The following MB variants were observed in gnomAD, a reference collection of about 807,000 sequenced individuals.
MB encodes the protein myoglobin.
Under a neutral mutation model 14.5 loss-of-function variants are expected in MB, and 10 were observed. The observed-to-expected ratio is 0.69, with a 90% CI of 0.43 to 1.17. The LOEUF is 1.17. Among genes scored for constraint, MB ranks in the 50% most tolerant of loss-of-function variants. MB has a pLI of 0.00. For synonymous variants in MB, 89 were observed against 78.6 expected (o/e 1.13, Z -0.70); for missense variants, 169 against 192.7 (o/e 0.88, Z 0.73).
intron 1 of MB, among the ~76,000 whole-genome samples, chr22:35,616,366 G>A (rs367549374): frequency 1.3e-5 from 2 of 152,172 alleles, no homozygotes; most frequent in Admixed American, 6.5e-5. Flanking sequence ...ATCCCTTGTG[G>A]TAGAAGGCAG....
chr22:35,613,938 C>G (rs1165123166), intron 1 of MB, among the ~76,000 whole-genome samples: 1 of 152,250 alleles, frequency 6.6e-6, no homozygotes, highest in Non-Finnish European at 1.5e-5. Context: ...GAAGGCCATT[C>G]TCCTGGATTT....
chr22:35,622,498 G>C (rs1311308142), intron 1 of MB: 2 of 152,556 alleles, frequency 1.3e-5, no homozygotes, highest in Non-Finnish European at 2.9e-5. Flanking sequence ...CTTCTCCCCA[G>C]CTGTCCTCGC....
At position 35,611,669 on chromosome 22, in the gene MB, C is replaced by T. The variant is rs45467093; in HGVS notation, c.96-563G>A. Among the ~76,000 whole-genome samples, 117 of 152,324 alleles carry T rather than the reference C, an allele frequency of 7.7e-4. 1 individual carries two copies. Among genetic ancestry groups the T allele is most frequent in the African/African-American group, 2.8e-3 (115 of 41,562 alleles). ...CTCTCTGAACCTCCCAGTCCCCTCA[C>T]TGTGCAGATGACGAAGGGTCCTGGT... is the stretch of plus-strand genomic sequence containing the variant. On this transcript the variant is annotated intron_variant, in intron 1 of 2. Transcript: ENST00000397326.
rs1238679226 is a variant in MB at position 35,611,022 on chromosome 22, C to T, written c.180G>A (p.Glu60=). The T allele has an allele frequency of 1.2e-6, 2 of 1,614,156 alleles. No homozygotes were observed. Among genetic ancestry groups the T allele is most frequent in the East Asian group, 2.2e-5 (1 of 44,876 alleles). The change falls in exon 2 of 3, where the codon GAG becomes GAA. Residue 60 remains glutamate, a synonymous_variant. Transcript: ENST00000397326. ...CGGTGGCACCATGCTTCTTTAAGTCCTCAGACGCCTTCATCTCGTCCTCTG... is the reference window on the plus strand; with the variant it reads ...CGGTGGCACCATGCTTCTTTAAGTCTTCAGACGCCTTCATCTCGTCCTCTG... ...LKSEDEMKAS[E]DLKKHGATVL... is the part of the protein sequence containing the mutation.
At chr22:35,620,564 G>A (rs1321115133), upstream of MB, among the ~76,000 whole-genome samples, 1 of 152,222 alleles carries the variant, frequency 6.6e-6, no homozygotes, top group African/African-American at 2.4e-5. Context: ...TGAGTCCAGG[G>A]TGTGAGAGAG....
At chr22:35,612,577 C>T (rs45610142) in intron 1 of MB, among the ~76,000 whole-genome samples, 7,412 of 152,176 alleles carry the variant, frequency 0.049, 334 homozygotes, top group East Asian at 0.13. Flanking sequence ...CTGCCTCAGC[C>T]TCCCAAAGTG....
Position 35,607,275 on chromosome 22 carries a change from T to C in MB, c.*22A>G, listed in dbSNP as rs903404336. On this transcript the variant is annotated 3_prime_UTR_variant, in exon 3 of 3. Transcript: ENST00000397326. ...CTCTTGAACCCGGGGCCCAGATGGG[T>C]GGGGGTGGGAGCGGCAGGGGCCTAG... The C allele has an allele frequency of 6.5e-5, 103 of 1,595,612 alleles. 1 individual carries two copies. In the Admixed American group the frequency reaches 7.8e-4, roughly 12 times the overall value.
chr22:35,609,595 T>C (rs1426531400), intron 2 of MB, among the ~76,000 whole-genome samples: 2 of 152,178 alleles, frequency 1.3e-5, no homozygotes, highest in African/African-American at 4.8e-5. Flanking sequence ...CAGAGTACCA[T>C]GGATCTGACT....
intron 2 of MB, among the ~76,000 whole-genome samples, chr22:35,610,061 C>G (rs55931418): frequency 0.092 from 13,999 of 152,192 alleles, 730 homozygotes; most frequent in African/African-American, 0.14. Flanking sequence ...CCCATCCCAG[C>G]GGGTAGCTAT....
chr22:35,612,481 G>T (rs1922707060), intron 1 of MB, among the ~76,000 whole-genome samples: 1 of 152,018 alleles, frequency 6.6e-6, no homozygotes, highest in African/African-American at 2.4e-5. Flanking sequence ...TCTGCTCACC[G>T]CAACCTCCAC....
At chr22:35,618,004 A>G (rs1923209255), upstream of MB, among the ~76,000 whole-genome samples, 1 of 152,108 alleles carries the variant, frequency 6.6e-6, no homozygotes. Context: ...TTGCTTCCCA[A>G]AGGGCATCCT....
chr22:35,609,859 GATGTAAATAAA>G (rs1398034642), intron 2 of MB, among the ~76,000 whole-genome samples: 1 of 152,162 alleles, frequency 6.6e-6, no homozygotes, highest in African/African-American at 2.4e-5. Flanking sequence ...TGGCCAATGA[GATGTAAATAAA>G]ATTGTTGGAT....
intron 2 of MB, among the ~76,000 whole-genome samples, chr22:35,607,713 G>A (rs45570036): frequency 0.044 from 6,700 of 152,200 alleles, 319 homozygotes; most frequent in East Asian, 0.12. Flanking sequence ...GGACCCAGGA[G>A]GGCCGGCTCC....
At chr22:35,610,853 A>C in intron 2 of MB, 31 bp downstream of exon 2, 1 of 1,542,612 alleles carries the variant, frequency 6.5e-7, no homozygotes, top group Non-Finnish European at 8.7e-7. Context: ...CCTTCCCCGC[A>C]TCCTCCCACC....
At chr22:35,607,892 A>C (rs2076141) in intron 2 of MB, among the ~76,000 whole-genome samples, 72,564 of 152,050 alleles carry the variant, frequency 0.48, 17,713 homozygotes, top group East Asian at 0.76. Flanking sequence ...TCTAGAAAGG[A>C]ACTATTTCTA....
Position 35,617,290 on chromosome 22 carries a change from A to G in MB, c.-33T>C, listed in dbSNP as rs1243258791. The G allele has an allele frequency of 6.4e-7, 1 of 1,567,408 alleles. No homozygotes were observed. Among genetic ancestry groups the G allele is most frequent in the Non-Finnish European group, 8.8e-7 (1 of 1,137,684 alleles). ...TCTGAAGAAGACAAAAAGAGCAAGT[A>G]TGGGCTCACTGGGTGTCCTGGCCCC... On this transcript the variant is annotated 5_prime_UTR_variant, in exon 1 of 3. Coordinates refer to ENST00000397326, the MANE Select transcript of MB (RefSeq NM_005368.3).
At chr22:35,614,528 G>T (rs1922910952) in intron 1 of MB, among the ~76,000 whole-genome samples, 1 of 150,290 alleles carries the variant, frequency 6.7e-6, no homozygotes, top group Non-Finnish European at 1.5e-5. Flanking sequence ...GATCCAAGCT[G>T]CCTGAATTTG....
At chr22:35,607,491 C>A in intron 2 of MB, 48 bp from the exon 3 acceptor site, 1 of 1,592,458 alleles carries the variant, frequency 6.3e-7, no homozygotes, top group South Asian at 1.1e-5. Flanking sequence ...TGGGACAAGC[C>A]AGGGGCCAGA....
At chr22:35,617,440 C>T (rs1923163244), upstream of MB, 2 of 598,688 alleles carry the variant, frequency 3.3e-6, no homozygotes, top group Non-Finnish European at 5.9e-6. Context: ...TCTCTCTCAT[C>T]CAGGGAGGGT....
Sources: gnomAD v4.1 joint callset for allele counts (sites outside exome capture counted in the v4.1 genomes callset) on GRCh38, gnomAD v4.1.1 for gene constraint, MANE v1.5 for transcripts, NCBI Gene and HGNC (gene_info 2026-07-23, HGNC 2026-07-21) for gene names.